Variants in ANKLE2 observed in about 807,000 individuals in gnomAD.
The protein encoded by ANKLE2 is ankyrin repeat and LEM domain containing 2, also known as ankyrin repeat and LEM domain-containing protein 2.
ANKLE2 carries 55 observed loss-of-function variants against 84.2 expected under a neutral mutation model. That is an observed-to-expected ratio of 0.65 (90% CI 0.53 to 0.82). The LOEUF is 0.82. ANKLE2 is among the 40% of genes least tolerant of loss of function. ANKLE2 has a pLI of 0.00. For missense variants in ANKLE2, 1,238 were observed against 1,201.9 expected (o/e 1.03, Z -0.44); for synonymous variants, 551 against 486.1 (o/e 1.13, Z -1.76).
rs771393640 is a variant in ANKLE2 at position 132,754,946 on chromosome 12, A to G, written c.369T>C (p.His123=). 5 of 1,614,100 alleles carry G rather than the reference A, an allele frequency of 3.1e-6. No homozygotes were observed. The highest frequency in any genetic ancestry group is 1.7e-5 in the Admixed American group (1 of 59,998). The change falls in exon 2 of 13, where the codon CAT becomes CAC. Residue 123 remains histidine, a synonymous_variant. Coordinates refer to ENST00000357997, the MANE Select transcript of ANKLE2 (RefSeq NM_015114.3). ...QGGRLSSFYH[H]EAGVTALSQD... ...GGCTGAGAGCTGTGACACCTGCCTCATGGTGGTAGAAAGAAGACAGCCTTC... is the reference window on the plus strand; with the variant it reads ...GGCTGAGAGCTGTGACACCTGCCTCGTGGTGGTAGAAAGAAGACAGCCTTC...
At chr12:132,747,200 C>A (rs2044256568) in intron 5 of ANKLE2, among the ~76,000 whole-genome samples, 1 of 152,196 alleles carries the variant, frequency 6.6e-6, no homozygotes. Flanking sequence ...TAAGCAGTCG[C>A]ACCCCAGCAG....
chr12:132,736,302 C>A (rs552983404), intron 8 of ANKLE2, among the ~76,000 whole-genome samples: 5 of 152,312 alleles, frequency 3.3e-5, no homozygotes, highest in African/African-American at 1.2e-4. Context: ...CAGGATGGTG[C>A]GTGCAGGTCA....
At chr12:132,746,348 CAA>C (rs566130639) in intron 5 of ANKLE2, among the ~76,000 whole-genome samples, 14 of 66,494 alleles carry the variant, frequency 2.1e-4, no homozygotes, top group Admixed American at 3.4e-4. Flanking sequence ...GACTCTGTCT[CAA>C]AAAAAAAAAA....
chr12:132,727,930 G>T (rs944640479), intron 12 of ANKLE2, 102 bp downstream of exon 12: 4 of 1,470,082 alleles, frequency 2.7e-6, no homozygotes, highest in Admixed American at 4.6e-5. Context: ...GCCTGCCAGC[G>T]TTGGGAAAAG....
chr12:132,751,078 A>T (rs755207742), intron 2 of ANKLE2: 37 of 409,026 alleles, frequency 9.0e-5, no homozygotes, highest in Non-Finnish European at 1.4e-4. Flanking sequence ...ATGTTCATAT[A>T]TGTAATTCTA....
chr12:132,760,360 G>C (rs1221484533), intron 1 of ANKLE2: 1 of 152,166 alleles, frequency 6.6e-6, no homozygotes, highest in African/African-American at 2.4e-5. Flanking sequence ...TTCTGCAGTG[G>C]ACACAGGCTG....
rs1332435960 is a variant in ANKLE2, at chr12:132,743,854, T to C, written c.1231-578A>G. 6.6e-6 allele frequency among the ~76,000 whole-genome samples: 1 copy of C among 152,124 alleles called. No individual in the cohort carries two copies. Among genetic ancestry groups the C allele is most frequent in the Non-Finnish European group, 1.5e-5 (1 of 68,014 alleles). On this transcript the variant is annotated intron_variant, in intron 5 of 12. Coordinates refer to ENST00000357997, the MANE Select transcript of ANKLE2 (RefSeq NM_015114.3). This position sits in a 1 kb window ranked among gnomAD's most constrained non-coding sequence, Gnocchi z 4.1. ...GCAGCTTTAACCATTCAGGGCCCAGTACAATGTCATGTAAAACATGCCCAG... is the reference window on the plus strand; with the variant it reads ...GCAGCTTTAACCATTCAGGGCCCAGCACAATGTCATGTAAAACATGCCCAG...
At chr12:132,734,862 C>T (rs548456398) in intron 9 of ANKLE2, 16 of 421,418 alleles carry the variant, frequency 3.8e-5, no homozygotes, top group African/African-American at 2.1e-4. Context: ...ACCCAGGTCA[C>T]ACAGTTCAAC....
intron 2 of ANKLE2, among the ~76,000 whole-genome samples, chr12:132,751,532 C>T (rs899064699): frequency 2.0e-5 from 3 of 149,870 alleles, no homozygotes; most frequent in African/African-American, 7.4e-5. Context: ...TCAGCCACGG[C>T]GCCCAGCCGG....
At chr12:132,738,971 G>C (rs2044068181) in intron 7 of ANKLE2, 2 of 152,178 alleles carry the variant, frequency 1.3e-5, no homozygotes. Flanking sequence ...AACATGGCTG[G>C]AGCTGGAGGC....
chr12:132,736,571 G>A (rs1198882831), intron 8 of ANKLE2, among the ~76,000 whole-genome samples: 2 of 108,204 alleles, frequency 1.8e-5, no homozygotes, highest in Admixed American at 1.8e-4. Context: ...CACCAGCAAG[G>A]TGCCTAGGAC....
Position 132,736,786 on chromosome 12 carries a change from C to T in ANKLE2, c.1593+107G>A, listed in dbSNP as rs7313956. On this transcript the variant is annotated intron_variant, in intron 8 of 12. Coordinates refer to ENST00000357997, the MANE Select transcript of ANKLE2 (RefSeq NM_015114.3). ...AGATGAGGACAACCTTGGGGCTCCA[C>T]AGGACATGGTCCCTGAGACCACGCA... 9 of 1,340,896 alleles carry T rather than the reference C, an allele frequency of 6.7e-6. No homozygotes were observed. In the East Asian group the frequency reaches 2.2e-4, roughly 32 times the overall value. The allele number at this position is 1,340,896 out of a possible 1,614,324, so 83.1% of individuals were successfully genotyped here. A position where few individuals can be genotyped will look rare whatever the true frequency, so the allele number is the denominator to read the frequency against.
At position 132,736,021 on chromosome 12, in the gene ANKLE2, G is replaced by A. The variant is rs527973577; in HGVS notation, c.1594-509C>T. On this transcript the variant is annotated intron_variant, in intron 8 of 12. Coordinates refer to ENST00000357997, the MANE Select transcript of ANKLE2 (RefSeq NM_015114.3). ...GGCTGGAGTGCAGTGGTACGATCTC[G>A]GCTCACTGCAAGCTCCACCTCCGGG... is the stretch of plus-strand genomic sequence containing the variant. Among the ~76,000 whole-genome samples, 5 of 152,130 alleles carry A rather than the reference G, an allele frequency of 3.3e-5. No individual in the cohort carries two copies. The East Asian group carries it at 5.8e-4, about 18-fold the overall frequency.
At chr12:132,749,357 T>G (rs1196293396) in intron 3 of ANKLE2, among the ~76,000 whole-genome samples, 1 of 152,112 alleles carries the variant, frequency 6.6e-6, no homozygotes, top group African/African-American at 2.4e-5. Flanking sequence ...GGTTTCACCA[T>G]GTAGGCCAGG....
chr12:132,731,957 G>A (rs113434435), intron 10 of ANKLE2: 13,083 of 145,634 alleles, frequency 0.09, 870 homozygotes, highest in African/African-American at 0.18. Flanking sequence ...CGTGTGAAGC[G>A]CTCTGCGTCC....
intron 7 of ANKLE2, among the ~76,000 whole-genome samples, chr12:132,740,963 A>G (rs2044110518): frequency 6.6e-6 from 1 of 150,518 alleles, no homozygotes; most frequent in Non-Finnish European, 1.5e-5. Context: ...AGTGACAGGG[A>G]GCGACCCCCA....
intron 10 of ANKLE2, 55 bp downstream of exon 10, chr12:132,734,329 AC>A (rs2043960706): frequency 1.9e-6 from 3 of 1,581,220 alleles, no homozygotes; most frequent in African/African-American, 1.4e-5. Flanking sequence ...ATCCCGTCAG[AC>A]CCCGGCCATG....
chr12:132,752,317 C>T (rs1331133994), intron 2 of ANKLE2, among the ~76,000 whole-genome samples: 1 of 152,020 alleles, frequency 6.6e-6, no homozygotes. Flanking sequence ...TCCGGCCTGG[C>T]GACAGACCGG....
At chr12:132,754,551 G>A (rs1331660384) in intron 2 of ANKLE2, 124 bp downstream of exon 2, 3 of 868,190 alleles carry the variant, frequency 3.5e-6, no homozygotes, top group Non-Finnish European at 5.2e-6. Flanking sequence ...GTTAACTGGG[G>A]TGATGAGATG....
Sources: allele counts gnomAD v4.1 joint callset (sites outside exome capture counted in the v4.1 genomes callset), GRCh38; gene constraint gnomAD v4.1.1; non-coding constraint Gnocchi (gnomAD v3.1); transcripts MANE v1.5; gene names NCBI Gene and HGNC (gene_info 2026-07-23, HGNC 2026-07-21).